Variants in AKAP6 observed in about 807,000 individuals in gnomAD.
AKAP6 encodes A-kinase anchoring protein 6.
In AKAP6, 58 loss-of-function variants were observed where a neutral mutation model predicts 188.5. The observed-to-expected ratio is 0.31, with a 90% CI of 0.25 to 0.38. The LOEUF (loss-of-function observed/expected upper bound fraction) is 0.38. Ranked by LOEUF, AKAP6 falls within the 10% of genes least tolerant of loss-of-function variation. AKAP6 has a pLI of 1.00. For missense variants in AKAP6, 2,710 were observed against 2,740.0 expected (o/e 0.99, Z 0.24); for synonymous variants, 989 against 998.6 (o/e 0.99, Z 0.18).
At chr14:32,654,921 T>C (rs560230002) in intron 7 of AKAP6, among the ~76,000 whole-genome samples, 10 of 152,238 alleles carry the variant, frequency 6.6e-5, no homozygotes, top group African/African-American at 2.4e-4. Flanking sequence ...AAAATCATGC[T>C]TTAAGGACTT....
intron 3 of AKAP6, 43 bp downstream of exon 3, chr14:32,535,848 G>T: frequency 1.9e-6 from 3 of 1,570,796 alleles, no homozygotes; most frequent in South Asian, 2.4e-5. Flanking sequence ...TTCCAGGTAT[G>T]ACCAATTGAG....
chr14:32,691,488 G>A (rs552274143), intron 8 of AKAP6, among the ~76,000 whole-genome samples: 1 of 152,198 alleles, frequency 6.6e-6, no homozygotes, highest in African/African-American at 2.4e-5. Context: ...TAATACTGGG[G>A]ACATTAAATT....
At chr14:32,374,923 A>G (rs981787167) in intron 1 of AKAP6, among the ~76,000 whole-genome samples, 25 of 152,348 alleles carry the variant, frequency 1.6e-4, no homozygotes, top group African/African-American at 6.0e-4. Flanking sequence ...TGATAGAAAA[A>G]TTATAATCTT....
chr14:32,717,946 A>C (rs566143533), intron 9 of AKAP6, among the ~76,000 whole-genome samples: 1 of 152,262 alleles, frequency 6.6e-6, no homozygotes, highest in East Asian at 1.9e-4. Flanking sequence ...AAGAGGTTCA[A>C]GAGTAGGGTT....
intron 1 of AKAP6, among the ~76,000 whole-genome samples, chr14:32,385,450 G>A (rs1888501307): frequency 6.8e-6 from 1 of 147,870 alleles, no homozygotes; most frequent in African/African-American, 2.5e-5. Flanking sequence ...AACAGGTAGT[G>A]TTTGGATACA....
At chr14:32,404,828 T>G (rs1342863601) in intron 1 of AKAP6, among the ~76,000 whole-genome samples, 1 of 149,994 alleles carries the variant, frequency 6.7e-6, no homozygotes, top group Admixed American at 6.7e-5. Flanking sequence ...CAAAGGGTAG[T>G]GCAATATTCT....
At chr14:32,348,408 C>CTTTTTTTTTTTTTTTTTTT (rs1235466012) in intron 1 of AKAP6, among the ~76,000 whole-genome samples, 3 of 88,736 alleles carry the variant, frequency 3.4e-5, no homozygotes, top group African/African-American at 6.5e-5. Context: ...TCTTTCTTTT[C>CTTTTTTTTTTTTTTTTTTT]TTTTGTTTCT....
Position 32,835,396 on chromosome 14 carries a change from T to G in AKAP6, c.*5591T>G, listed in dbSNP as rs1160788230. The G allele has an allele frequency of 6.6e-6, 1 of 152,362 alleles. No homozygotes were observed. The highest frequency in any genetic ancestry group is 2.4e-5 in the African/African-American group (1 of 41,594). 9.4% of individuals were successfully genotyped at this position (152,362 alleles called of 1,614,324 possible). ...GTTTAAGGATTTAAATTTAGTTCAC[T>G]ATTACTGCCTGGCTTTGATTGATTT... On this transcript the variant is annotated 3_prime_UTR_variant, in exon 14 of 14. Coordinates refer to ENST00000280979, the MANE Select transcript of AKAP6 (RefSeq NM_004274.5).
intron 2 of AKAP6, among the ~76,000 whole-genome samples, chr14:32,438,275 C>T (rs1409001835): frequency 6.6e-6 from 1 of 152,146 alleles, no homozygotes; most frequent in Non-Finnish European, 1.5e-5. Flanking sequence ...GTCTGTTCTT[C>T]TTCTGTAAAT....
At chr14:32,456,717 C>T (rs559246613) in intron 2 of AKAP6, among the ~76,000 whole-genome samples, 1 of 149,166 alleles carries the variant, frequency 6.7e-6, no homozygotes, top group African/African-American at 2.4e-5. Context: ...TAGGACTGGT[C>T]GTGACCAGAG....
intron 11 of AKAP6, among the ~76,000 whole-genome samples, chr14:32,747,581 C>T (rs1214677606): frequency 6.6e-6 from 1 of 152,144 alleles, no homozygotes; most frequent in East Asian, 1.9e-4. Flanking sequence ...ATATTAAAAA[C>T]CCGTCACCTA....
chr14:32,596,427 T>C (rs1417829817), intron 5 of AKAP6, among the ~76,000 whole-genome samples: 5 of 152,186 alleles, frequency 3.3e-5, no homozygotes, highest in Non-Finnish European at 7.4e-5. Flanking sequence ...CTAGAGGTTA[T>C]AGTAATAGAA....
intron 11 of AKAP6, among the ~76,000 whole-genome samples, chr14:32,769,552 G>GTT (rs146861682): frequency 6.8e-6 from 1 of 146,326 alleles, no homozygotes; most frequent in East Asian, 2.1e-4. Flanking sequence ...TGCTTCATGG[G>GTT]TTTTTTTTTT....
intron 12 of AKAP6, among the ~76,000 whole-genome samples, chr14:32,799,009 CT>C (rs1437237641): frequency 6.6e-6 from 1 of 152,132 alleles, no homozygotes; most frequent in South Asian, 2.1e-4. Context: ...TTTAGTTATG[CT>C]ATTGTAGTAA....
chr14:32,610,733 T>C (rs1886317004), intron 7 of AKAP6, among the ~76,000 whole-genome samples: 1 of 152,168 alleles, frequency 6.6e-6, no homozygotes, highest in Non-Finnish European at 1.5e-5. Flanking sequence ...GGAAATAGCA[T>C]GGTCAAAAGT....
intron 7 of AKAP6, among the ~76,000 whole-genome samples, chr14:32,608,088 G>C (rs1434142928): frequency 6.6e-6 from 1 of 152,108 alleles, no homozygotes; most frequent in Admixed American, 6.6e-5. Context: ...TGTATGGGTG[G>C]ATCTAAGATG....
At chr14:32,409,861 A>G (rs571375597) in intron 1 of AKAP6, among the ~76,000 whole-genome samples, 2 of 152,256 alleles carry the variant, frequency 1.3e-5, no homozygotes, top group East Asian at 3.9e-4. Flanking sequence ...TTGATTATGT[A>G]TGAGGACTAA....
At chr14:32,774,258 C>T (rs1316234215) in intron 12 of AKAP6, among the ~76,000 whole-genome samples, 2 of 152,150 alleles carry the variant, frequency 1.3e-5, no homozygotes, top group Non-Finnish European at 2.9e-5. Context: ...ATACAATAAC[C>T]CATGAATATT....
At chr14:32,777,362 A>G (rs558743125) in intron 12 of AKAP6, among the ~76,000 whole-genome samples, 2 of 152,346 alleles carry the variant, frequency 1.3e-5, no homozygotes, top group African/African-American at 4.8e-5. Context: ...ATATTAATCA[A>G]TATAAACTGA....
Sources: gnomAD v4.1 joint callset for allele counts (sites outside exome capture counted in the v4.1 genomes callset) on GRCh38, gnomAD v4.1.1 for gene constraint, MANE v1.5 for transcripts, NCBI Gene and HGNC (gene_info 2026-07-23, HGNC 2026-07-21) for gene names.